Variants in DLG2 observed in about 807,000 individuals in gnomAD.
DLG2 encodes discs large MAGUK scaffold protein 2.
DLG2 carries 45 observed loss-of-function variants against 132.5 expected under a neutral mutation model. That is an observed-to-expected ratio of 0.34 (90% CI 0.27 to 0.44). The LOEUF (loss-of-function observed/expected upper bound fraction) is 0.44. Ranked by LOEUF, DLG2 falls within the 20% of genes least tolerant of loss-of-function variation. DLG2 has a pLI of 1.00. For synonymous variants in DLG2, 424 were observed against 419.6 expected (o/e 1.01, Z -0.13); for missense variants, 1,045 against 1,196.9 (o/e 0.87, Z 1.87).
At chr11:84,258,181 G>A (rs1488766458) in intron 7 of DLG2, among the ~76,000 whole-genome samples, 1 of 152,168 alleles carries the variant, frequency 6.6e-6, no homozygotes, top group Non-Finnish European at 1.5e-5. Context: ...AGCATACCCA[G>A]GCTGACTGAT....
At chr11:83,974,940 A>T (rs2091973876) in intron 12 of DLG2, among the ~76,000 whole-genome samples, 1 of 152,038 alleles carries the variant, frequency 6.6e-6, no homozygotes, top group African/African-American at 2.4e-5. Flanking sequence ...AAAGGTATAA[A>T]AGTTCTCTCA....
chr11:83,642,214 A>G (rs1294316875), intron 18 of DLG2, among the ~76,000 whole-genome samples: 1 of 152,230 alleles, frequency 6.6e-6, no homozygotes, highest in African/African-American at 2.4e-5. Flanking sequence ...AATAAATGCT[A>G]ACGTAAGTGC....
intron 3 of DLG2, among the ~76,000 whole-genome samples, chr11:85,377,824 T>TGTGTACAC (rs1565401029): frequency 2.0e-5 from 3 of 149,206 alleles, no homozygotes; most frequent in African/African-American, 7.4e-5. Context: ...TGTGTGTGTG[T>TGTGTACAC]ATACATATAT....
rs1277272580 is a variant in DLG2 at position 84,545,419 on chromosome 11, G to A, written c.358-10688C>T. ...CCACGGCTGCCACCAAAGCTACTACGACCACTGAAGATTCCTCCACAATCA... is the reference window on the plus strand; with the variant it reads ...CCACGGCTGCCACCAAAGCTACTACAACCACTGAAGATTCCTCCACAATCA... On this transcript the variant is annotated intron_variant, in intron 6 of 27. Transcript: ENST00000376104. 1.3e-5 allele frequency: 6 copies of A among 476,090 alleles called. No homozygotes were observed. The East Asian group carries it at 2.2e-4, about 18-fold the overall frequency. 29.5% of individuals were successfully genotyped at this position (476,090 alleles called of 1,614,324 possible). A position where few individuals can be genotyped will look rare whatever the true frequency, so the allele number is the denominator to read the frequency against.
intron 7 of DLG2, among the ~76,000 whole-genome samples, chr11:84,377,234 A>G (rs549542109): frequency 6.6e-6 from 1 of 152,156 alleles, no homozygotes; most frequent in Non-Finnish European, 1.5e-5. Flanking sequence ...TTTATACACC[A>G]AAAGAAAACA....
At chr11:84,947,187 G>T (rs1416719664) in intron 6 of DLG2, among the ~76,000 whole-genome samples, 1 of 152,128 alleles carries the variant, frequency 6.6e-6, no homozygotes, top group African/African-American at 2.4e-5. Context: ...ACCAGGTACT[G>T]TAATTGCTTA....
At chr11:83,772,777 TC>T (rs138545027) in intron 18 of DLG2, among the ~76,000 whole-genome samples, 2,127 of 152,292 alleles carry the variant, frequency 0.014, 23 homozygotes, top group Middle Eastern at 0.024. Context: ...AGTGTTTTTT[TC>T]TTCTTTAAAA....
intron 7 of DLG2, among the ~76,000 whole-genome samples, chr11:84,326,567 CATTGTA>C (rs1326943495): frequency 6.6e-6 from 1 of 152,076 alleles, no homozygotes; most frequent in Non-Finnish European, 1.5e-5. Flanking sequence ...AGTTTTATTT[CATTGTA>C]GTTGGAAAAT....
Position 83,553,538 on chromosome 11 carries a change from G to A in DLG2, c.1941-11680C>T, listed in dbSNP as rs573682619. On this transcript the variant is annotated intron_variant, in intron 19 of 27. Coordinates refer to ENST00000376104, the MANE Select transcript of DLG2 (RefSeq NM_001142699.3). ...TGTGTGTGTGTGTGTGTTTGCTGCT[G>A]CTGCTGTTGTGCTATTACATATTGT... 3.4e-5 allele frequency among the ~76,000 whole-genome samples: 5 copies of A among 148,800 alleles called. No homozygotes were observed. The South Asian group carries it at 1.1e-3, about 32-fold the overall frequency.
Position 85,405,882 on chromosome 11 carries a change from T to C in DLG2, c.41-120517A>G, listed in dbSNP as rs566020397. 4.0e-4 allele frequency among the ~76,000 whole-genome samples: 61 copies of C among 152,066 alleles called. 1 individual carries two copies. The South Asian group carries it at 0.013, about 32-fold the overall frequency. Reference sequence around the variant, plus strand: ...TAAAGTGAATCAGAGAAAGTCTCATTAAGGAAATAGATCAGAAGATATGCT... The same window carrying C: ...TAAAGTGAATCAGAGAAAGTCTCATCAAGGAAATAGATCAGAAGATATGCT... On this transcript the variant is annotated intron_variant, in intron 3 of 27. Coordinates refer to ENST00000376104, the MANE Select transcript of DLG2 (RefSeq NM_001142699.3).
rs2096395049 is a variant in DLG2 at position 84,051,978 on chromosome 11, G to A, written c.919+7337C>T. On this transcript the variant is annotated intron_variant, in intron 11 of 27. Transcript: ENST00000376104. ...ACTAAGACAATCGTTTGAATAAATG[G>A]AGAGGTCAAAAGCAGGAGTAGGTCA... 2.0e-5 allele frequency among the ~76,000 whole-genome samples: 3 copies of A among 151,762 alleles called. No homozygotes were observed. In the East Asian group the frequency reaches 5.8e-4, roughly 30 times the overall value.
In DLG2 at chr11:84,371,650, G is replaced by A. The variant is rs145580006; in HGVS notation, c.520-120359C>T. Among the ~76,000 whole-genome samples, 568 of 152,142 alleles carry A rather than the reference G, an allele frequency of 3.7e-3. 1 individual carries two copies. The highest frequency in any genetic ancestry group is 0.013 in the African/African-American group (529 of 41,498). ...ATTTTAAAATGTAAGATTAAACATG[G>A]CCTACCAAACCTCTTCCCTCCCAAA... On this transcript the variant is annotated intron_variant, in intron 7 of 27. Coordinates refer to ENST00000376104, the MANE Select transcript of DLG2 (RefSeq NM_001142699.3).
intron 3 of DLG2, among the ~76,000 whole-genome samples, chr11:85,590,562 T>C (rs1197246322): frequency 1.3e-5 from 2 of 152,074 alleles, no homozygotes; most frequent in Admixed American, 6.5e-5. Flanking sequence ...TTTTTTTAGA[T>C]ATTACTACGC....
chr11:83,610,054 G>A (rs2059890217), intron 19 of DLG2, among the ~76,000 whole-genome samples: 1 of 152,092 alleles, frequency 6.6e-6, no homozygotes, highest in South Asian at 2.1e-4. Flanking sequence ...CATCACACTA[G>A]GTAAAAATAT....
chr11:84,198,875 T>C (rs982903670), intron 8 of DLG2, among the ~76,000 whole-genome samples: 3 of 152,014 alleles, frequency 2.0e-5, no homozygotes, highest in African/African-American at 7.2e-5. Flanking sequence ...TGATATGTGG[T>C]GAGTTACAGC....
chr11:83,593,449 T>G (rs560940643), intron 19 of DLG2, among the ~76,000 whole-genome samples: 1 of 150,720 alleles, frequency 6.6e-6, no homozygotes. Context: ...AACAATGAGA[T>G]CACATGGACA....
intron 6 of DLG2, among the ~76,000 whole-genome samples, chr11:84,649,407 A>G (rs148721737): frequency 6.6e-6 from 1 of 152,334 alleles, no homozygotes; most frequent in Non-Finnish European, 1.5e-5. Flanking sequence ...CCTACAGAAT[A>G]AAGCCCCATG....
rs2099570105 is a variant in DLG2, at chr11:84,599,140, G to A, written c.358-64409C>T. 6.6e-5 allele frequency among the ~76,000 whole-genome samples: 10 copies of A among 152,088 alleles called. No individual in the cohort carries two copies. In the South Asian group the frequency reaches 2.1e-3, roughly 32 times the overall value. On this transcript the variant is annotated intron_variant, in intron 6 of 27. Transcript: ENST00000376104. ...CATGCCTGTAATTCCAGCTACTCAG[G>A]AGGCTGAGGCAGGAGAATCATTCGA...
chr11:85,021,680 C>T (rs2154140285), intron 6 of DLG2: 1 of 1,050,560 alleles, frequency 9.5e-7, no homozygotes, highest in East Asian at 2.4e-5. Context: ...GTTTCTCACA[C>T]AGCTGAAAAT....
Sources: allele counts gnomAD v4.1 joint callset (sites outside exome capture counted in the v4.1 genomes callset), GRCh38; gene constraint gnomAD v4.1.1; transcripts MANE v1.5; gene names NCBI Gene and HGNC (gene_info 2026-07-23, HGNC 2026-07-21).